DGKD: variants seen among roughly 807,000 people sequenced by gnomAD.
DGKD encodes diacylglycerol kinase delta, also known as DAG kinase delta.
Under a neutral mutation model 154.4 loss-of-function variants are expected in DGKD, and 68 were observed. That is an observed-to-expected ratio of 0.44 (90% CI 0.36 to 0.54). The LOEUF (loss-of-function observed/expected upper bound fraction) is 0.54, where lower values mean the gene tolerates loss of function less well. Ranked by LOEUF, DGKD falls within the 20% of genes least tolerant of loss-of-function variation. The pLI is 0.00. For missense variants in DGKD, 1,343 were observed against 1,593.6 expected (o/e 0.84, Z 2.68); for synonymous variants, 693 against 638.0 (o/e 1.09, Z -1.30).
chr2:233,465,081 A>G (rs1313073896), intron 27 of DGKD, among the ~76,000 whole-genome samples: 2 of 152,246 alleles, frequency 1.3e-5, no homozygotes, highest in Non-Finnish European at 2.9e-5. Flanking sequence ...TTTTTGACGC[A>G]TGCAATCCTT....
intron 3 of DGKD, among the ~76,000 whole-genome samples, chr2:233,410,763 TAG>T (rs2061807530): frequency 1.3e-5 from 2 of 152,226 alleles, no homozygotes; most frequent in Non-Finnish European, 2.9e-5. Flanking sequence ...TACAGTTTGA[TAG>T]TTTTTATACA....
At chr2:233,469,273 C>G (rs2063927241) in intron 29 of DGKD, 98 bp from the exon 30 acceptor site, 1 of 1,062,694 alleles carries the variant, frequency 9.4e-7, no homozygotes, top group Non-Finnish European at 1.4e-6. Flanking sequence ...TTTGTGTTCA[C>G]AAGCCGAATG....
intron 27 of DGKD, 102 bp downstream of exon 27, chr2:233,464,385 G>A (rs536021846): frequency 1.5e-5 from 22 of 1,476,142 alleles, no homozygotes; most frequent in South Asian, 4.9e-5. Context: ...GATCAAGATC[G>A]TGTCGCTCCG....
In DGKD at chr2:233,449,010, C is replaced by G; in HGVS notation, c.1615-93C>G. On this transcript the variant is annotated intron_variant, in intron 14 of 29. Coordinates refer to ENST00000264057, the MANE Select transcript of DGKD (RefSeq NM_152879.3). This position sits in a 1 kb window ranked among gnomAD's most constrained non-coding sequence, Gnocchi z 5.3. ...TTAGGATTTTCCTTTTGATCGAGTT[C>G]TAGGAAGTCTGGGTGAAATGGCCTG... 1 of 1,450,416 alleles carries G rather than the reference C, an allele frequency of 6.9e-7. No individual in the cohort carries two copies. The highest frequency in any genetic ancestry group is 2.2e-5 in the Admixed American group (1 of 45,432). The allele number at this position is 1,450,416 out of a possible 1,614,324, so 89.8% of individuals were successfully genotyped here.
intron 5 of DGKD, among the ~76,000 whole-genome samples, 181 bp from the exon 6 acceptor site, chr2:233,435,637 C>T (rs528887948): frequency 1.3e-5 from 2 of 152,316 alleles, no homozygotes; most frequent in East Asian, 1.9e-4. Flanking sequence ...CTTTCCCTGC[C>T]GCTGCCGGTC....
At chr2:233,469,239 C>T (rs2063925305) in intron 29 of DGKD, 132 bp from the exon 30 acceptor site, 2 of 720,794 alleles carry the variant, frequency 2.8e-6, no homozygotes, top group Non-Finnish European at 4.8e-6. Flanking sequence ...TCTTGTTTTA[C>T]CGTTTTTGTC....
chr2:233,419,486 A>G, intron 3 of DGKD: 1 of 976,858 alleles, frequency 1.0e-6, no homozygotes, highest in Non-Finnish European at 1.2e-6. Context: ...GTTCAAGGTC[A>G]GGGTTTGGAA....
chr2:233,464,174 C>T lies in DGKD; in HGVS notation c.3197C>T (p.Pro1066Leu), dbSNP rs373084771. The T allele has an allele frequency of 1.8e-5, 29 of 1,613,410 alleles. No homozygotes were observed. Among genetic ancestry groups the T allele is most frequent in the East Asian group, 4.5e-5 (2 of 44,880 alleles). ...CTCCGCCTGGAGCAGCAGCTGGATC[C>T]GCCTCAGAAGGAGCAGCTGGGGAGT... ...LSGKMALQLDPPQKEQLGSAL... is the reference protein window; with the variant it reads ...LSGKMALQLDLPQKEQLGSAL... The change falls in exon 27 of 30, where the codon CCG (proline) becomes CTG (leucine). Residue 1066 changes from proline to leucine, a missense_variant. Pro to Leu is a moderately conservative substitution (Grantham distance 98). This residue lies in a region of DGKD where 429 missense variants were observed against 496.3 expected (regional missense o/e 0.86). Transcript: ENST00000264057.
intron 28 of DGKD, among the ~76,000 whole-genome samples, 177 bp from the exon 29 acceptor site, chr2:233,468,241 TATCTC>T (rs2063890635): frequency 7.5e-6 from 1 of 132,992 alleles, no homozygotes; most frequent in South Asian, 2.6e-4. Flanking sequence ...GCTGCTGGGC[TATCTC>T]GGGTGCCGGC....
chr2:233,386,220 G>A (rs1213381606), intron 1 of DGKD: 1 of 330,086 alleles, frequency 3.0e-6, no homozygotes, highest in African/African-American at 2.2e-5. Context: ...CAAAGGTAAG[G>A]AAGATGAATG....
In DGKD at chr2:233,467,260, C is replaced by T. The variant is rs536729482; in HGVS notation, c.3424+57C>T. 3.3e-5 allele frequency: 41 copies of T among 1,246,660 alleles called. No homozygotes were observed. In the East Asian group the frequency reaches 3.9e-4, roughly 12 times the overall value. 77.2% of individuals were successfully genotyped at this position (1,246,660 alleles called of 1,614,324 possible). A position where few individuals can be genotyped will look rare whatever the true frequency, so the allele number is the denominator to read the frequency against. On this transcript the variant is annotated intron_variant, in intron 28 of 29. Coordinates refer to ENST00000264057, the MANE Select transcript of DGKD (RefSeq NM_152879.3). Reference sequence around the variant, plus strand: ...CCGTCCACGCCTGCTGGATCGGCCCCGTTCCCCTGGTCTCTGCTTTCTCCC... The same window carrying T: ...CCGTCCACGCCTGCTGGATCGGCCCTGTTCCCCTGGTCTCTGCTTTCTCCC...
Position 233,457,712 on chromosome 2 carries a change from T to A in DGKD, c.2580+384T>A, listed in dbSNP as rs898349405. 1 of 399,432 alleles carries A rather than the reference T, an allele frequency of 2.5e-6. No homozygotes were observed. Among genetic ancestry groups the A allele is most frequent in the African/African-American group, 2.1e-5 (1 of 48,182 alleles). 24.7% of individuals were successfully genotyped at this position (399,432 alleles called of 1,614,324 possible). A position where few individuals can be genotyped will look rare whatever the true frequency, so the allele number is the denominator to read the frequency against. The stretch of plus-strand genomic sequence containing the variant: ...GAATTGCACAGATGAAGGCTCAGAG[T>A]CAAGACAGGGCAGGCACATGGAGGA... On this transcript the variant is annotated intron_variant, in intron 21 of 29. Coordinates refer to ENST00000264057, the MANE Select transcript of DGKD (RefSeq NM_152879.3). This position sits in a 1 kb window ranked among gnomAD's most constrained non-coding sequence, Gnocchi z 5.5.
chr2:233,384,190 C>T (rs1033935062), intron 1 of DGKD, among the ~76,000 whole-genome samples: 18 of 152,190 alleles, frequency 1.2e-4, no homozygotes, highest in Non-Finnish European at 2.9e-5. Context: ...ACCATGTCCG[C>T]TCTGGCAGGT....
Position 233,457,323 on chromosome 2 carries a change from G to A in DGKD, c.2575G>A (p.Asp859Asn). The A allele has an allele frequency of 6.5e-7, 1 of 1,539,836 alleles. No homozygotes were observed. The highest frequency in any genetic ancestry group is 8.8e-7 in the Non-Finnish European group (1 of 1,141,268). The change falls in exon 21 of 30, where the codon GAT (aspartate) becomes AAT (asparagine). Residue 859 changes from aspartate (D) to asparagine (N), a missense_variant. By Grantham distance (23) the Asp-to-Asn change is conservative (BLOSUM62 1). Around this residue, in one of 6 missense-constraint regions of DGKD, gnomAD observed 429 missense variants for 496.3 expected, o/e 0.86. Transcript: ENST00000264057. The surrounding 1 kb of genome is among the most constrained non-coding windows in gnomAD (Gnocchi z 5.5). ...GTNFWGGTKE[D>N]DTFAAPSFDD... is the part of the protein sequence containing the mutation. ...CAACTTCTGGGGGGGTACCAAGGAA[G>A]ATGATGTATGTATGGGGTGTGAGCG...
chr2:233,422,189 C>T (rs948679964), intron 3 of DGKD, among the ~76,000 whole-genome samples: 2 of 152,258 alleles, frequency 1.3e-5, no homozygotes, highest in African/African-American at 2.4e-5. Flanking sequence ...TGGGCTGGCC[C>T]GCCCCACCCA....
At chr2:233,429,068 C>T in intron 3 of DGKD, 1 of 965,532 alleles carries the variant, frequency 1.0e-6, no homozygotes, top group Non-Finnish European at 1.2e-6. Flanking sequence ...TCTAGTAGTG[C>T]CCAATACCCA....
chr2:233,355,748 T>C (rs900196519), intron 1 of DGKD, among the ~76,000 whole-genome samples: 9 of 152,256 alleles, frequency 5.9e-5, no homozygotes, highest in African/African-American at 2.2e-4. Flanking sequence ...GTGATGATAA[T>C]GATAGCAATA....
chr2:233,469,123 C>T (rs1453083713), intron 29 of DGKD, among the ~76,000 whole-genome samples: 1 of 152,218 alleles, frequency 6.6e-6, no homozygotes, highest in Non-Finnish European at 1.5e-5. Flanking sequence ...GCTTTTAGGC[C>T]TGTGTTTTGT....
At chr2:233,433,256 A>C (rs1457928620) in intron 3 of DGKD, among the ~76,000 whole-genome samples, 2 of 152,262 alleles carry the variant, frequency 1.3e-5, no homozygotes, top group Non-Finnish European at 2.9e-5. Context: ...CTATTTAGCC[A>C]TGAAAAAGAA....
Sources: gnomAD v4.1 joint callset for allele counts (sites outside exome capture counted in the v4.1 genomes callset) on GRCh38, gnomAD v4.1.1 for gene constraint, gnomAD v4.1.1 regional missense constraint, Gnocchi (gnomAD v3.1) non-coding constraint, MANE v1.5 for transcripts, NCBI Gene and HGNC (gene_info 2026-07-23, HGNC 2026-07-21) for gene names.